Variants in AFG3L2 observed in about 807,000 individuals in gnomAD.
The protein encoded by AFG3L2 is AFG3 like matrix AAA peptidase subunit 2, also known as mitochondrial inner membrane m-AAA protease component AFG3L2.
Under a neutral mutation model 94.5 loss-of-function variants are expected in AFG3L2, and 54 were observed. The ratio of observed to expected loss-of-function variants is 0.57; its 90% CI spans 0.46 to 0.72. The LOEUF is 0.72. Among genes scored for constraint, AFG3L2 ranks in the 30% least tolerant of loss-of-function variants. AFG3L2 has a pLI of 0.00. For missense variants in AFG3L2, 754 were observed against 994.9 expected (o/e 0.76, Z 3.26); for synonymous variants, 377 against 365.5 (o/e 1.03, Z -0.36).
At chr18:12,352,283 C>T (rs1185681905) in intron 10 of AFG3L2, among the ~76,000 whole-genome samples, 4 of 152,180 alleles carry the variant, frequency 2.6e-5, no homozygotes, top group Admixed American at 1.3e-4. Flanking sequence ...CTGACCATCG[C>T]GGGACGGAGG....
chr18:12,376,527 C>T (rs1388441424), intron 1 of AFG3L2, among the ~76,000 whole-genome samples: 1 of 152,188 alleles, frequency 6.6e-6, no homozygotes, highest in African/African-American at 2.4e-5. Flanking sequence ...CCGCAATGGC[C>T]CCATTCAACA....
In AFG3L2 at chr18:12,351,067, T is replaced by G. The variant is rs746851204; in HGVS notation, c.1552+18A>C. 9.9e-6 allele frequency: 16 copies of G among 1,612,142 alleles called. No individual in the cohort carries two copies. Among genetic ancestry groups the G allele is most frequent in the African/African-American group, 2.7e-5 (2 of 74,852 alleles). ...TTTAATATGCTTCTAAATAGGGTCC[T>G]CGTTATTTTCCACTCACCTGAAAAC... On this transcript the variant is annotated intron_variant, in intron 12 of 16. Coordinates refer to ENST00000269143, the MANE Select transcript of AFG3L2 (RefSeq NM_006796.3).
chr18:12,369,676 A>G (rs1222613334), intron 3 of AFG3L2, among the ~76,000 whole-genome samples: 1 of 150,966 alleles, frequency 6.6e-6, no homozygotes, highest in East Asian at 1.9e-4. Flanking sequence ...AGATCGTGCC[A>G]CTGCACTCCA....
intron 3 of AFG3L2, among the ~76,000 whole-genome samples, chr18:12,367,970 C>A (rs1908860431): frequency 6.6e-6 from 1 of 152,074 alleles, no homozygotes; most frequent in African/African-American, 2.4e-5. Flanking sequence ...GAGTTTGAGA[C>A]CAGCCTGTTC....
intron 15 of AFG3L2, 111 bp from the exon 16 acceptor site, chr18:12,337,646 G>C: frequency 1.8e-6 from 1 of 565,438 alleles, no homozygotes; most frequent in Non-Finnish European, 3.0e-6. Context: ...TGTGTAGCCA[G>C]CAGCAGCAGC....
At chr18:12,362,269 T>C (rs1908684472) in intron 6 of AFG3L2, among the ~76,000 whole-genome samples, 1 of 152,204 alleles carries the variant, frequency 6.6e-6, no homozygotes, top group African/African-American at 2.4e-5. Context: ...CAGTGATTAA[T>C]ACTGCTGCTC....
Position 12,329,777 on chromosome 18 carries a change from G to C in AFG3L2, c.2182C>G (p.Leu728Val), listed in dbSNP as rs532751601. Reference protein sequence around the residue: ...EKKADVEKVALLLLEKEVLDK... With the variant: ...EKKADVEKVAVLLLEKEVLDK... ...AATACTTCTTTTTCTAACAACAGAA[G>C]AGCAACCTGAAATATGAACAATTTT... Residue 728 changes from leucine (L) to valine (V), a missense_variant, in exon 17 of 17, where the codon CTT becomes GTT. Coordinates refer to ENST00000269143, the MANE Select transcript of AFG3L2 (RefSeq NM_006796.3). 1 of 1,612,894 alleles carries C rather than the reference G, an allele frequency of 6.2e-7. No homozygotes were observed. Among genetic ancestry groups the C allele is most frequent in the South Asian group, 1.1e-5 (1 of 91,054 alleles).
intron 14 of AFG3L2, 93 bp from the exon 15 acceptor site, chr18:12,340,494 A>C: frequency 9.7e-7 from 1 of 1,035,690 alleles, no homozygotes; most frequent in Non-Finnish European, 1.5e-6. Context: ...TTGACTAAAA[A>C]TAAGCACAAC....
At position 12,344,208 on chromosome 18, in the gene AFG3L2, T is replaced by C; in HGVS notation, c.1703A>G (p.Lys568Arg). The change falls in exon 14 of 17, where the codon AAG becomes AGG. Residue 568 changes from lysine (K) to arginine (R), a missense_variant. Transcript: ENST00000269143. ...KKTQVLQPEE[K>R]KTVAYHEAGH... ...TGCTTCGTGGTATGCCACAGTCTTCTTCTCCTCAGGCTGCAGAACCTGCGT... is the reference window on the plus strand; with the variant it reads ...TGCTTCGTGGTATGCCACAGTCTTCCTCTCCTCAGGCTGCAGAACCTGCGT... The C allele has an allele frequency of 1.2e-6, 2 of 1,614,240 alleles. No homozygotes were observed. The highest frequency in any genetic ancestry group is 1.3e-5 in the African/African-American group (1 of 75,072).
chr18:12,369,366 G>A (rs2143225243), intron 3 of AFG3L2, among the ~76,000 whole-genome samples: 1 of 152,178 alleles, frequency 6.6e-6, no homozygotes, highest in Admixed American at 6.5e-5. Context: ...CATGTCCCCT[G>A]GCTCTTACTC....
Position 12,340,209 on chromosome 18 carries a change from ATGCACTC to A in AFG3L2, c.1965_1971del (p.Gln655HisfsTer10). ...CTCTTTCATATACTCACTTGGGCATATGCACTCTGAGTTACTTTTCTCAAGTCATCTT... is the reference window on the plus strand; with the variant it reads ...CTCTTTCATATACTCACTTGGGCATATGAGTTACTTTTCTCAAGTCATCTT... On this transcript the variant is annotated frameshift_variant, in exon 15 of 17. Transcript: ENST00000269143. LOFTEE classifies it high-confidence loss of function. The A allele has an allele frequency of 6.2e-7, 1 of 1,613,608 alleles. No homozygotes were observed. The highest frequency in any genetic ancestry group is 8.5e-7 in the Non-Finnish European group (1 of 1,179,616).
chr18:12,330,319 CCTT>C (rs1907479712), intron 16 of AFG3L2, among the ~76,000 whole-genome samples: 1 of 135,314 alleles, frequency 7.4e-6, no homozygotes, highest in South Asian at 2.7e-4. Context: ...GAGCGAGACT[CCTT>C]CTCAAAACAA....
At position 12,356,843 on chromosome 18, in the gene AFG3L2, A is replaced by G. The variant is rs370358777; in HGVS notation, c.1027-12T>C. 66 of 1,613,588 alleles carry G rather than the reference A, an allele frequency of 4.1e-5. No individual in the cohort carries two copies. The African/African-American group carries it at 7.5e-4, about 18-fold the overall frequency. On this transcript the variant is annotated splice_polypyrimidine_tract_variant and intron_variant, in intron 8 of 16. Transcript: ENST00000269143. Reference sequence around the variant, plus strand: ...GTGAGAATGGCACCCTTCAGATATGAAAAAAGAAATTACATTTAATGAGAA... The same window carrying G: ...GTGAGAATGGCACCCTTCAGATATGGAAAAAGAAATTACATTTAATGAGAA...
intron 16 of AFG3L2, among the ~76,000 whole-genome samples, chr18:12,336,309 T>C (rs1907740245): frequency 6.6e-6 from 1 of 152,262 alleles, no homozygotes; most frequent in African/African-American, 2.4e-5. Context: ...CCTTTTGCGA[T>C]AGCTTTTCAG....
At chr18:12,370,217 T>C (rs1048099024) in intron 3 of AFG3L2, among the ~76,000 whole-genome samples, 1 of 152,130 alleles carries the variant, frequency 6.6e-6, no homozygotes, top group Non-Finnish European at 1.5e-5. Context: ...AAACACAATA[T>C]GTATCAAATA....
Position 12,329,899 on chromosome 18 carries a change from A to C in AFG3L2, c.2176-116T>G. ...AAAAAGGATTTAAGACCAATGAAAA[A>C]GATGTCTCATACATAAGGTTGCATA... On this transcript the variant is annotated intron_variant, in intron 16 of 16. Transcript: ENST00000269143. 6.7e-6 allele frequency: 6 copies of C among 891,446 alleles called. 2 individuals are homozygous for C. The highest frequency in any genetic ancestry group is 6.0e-5 in the South Asian group (4 of 66,950). 55.2% of individuals were successfully genotyped at this position (891,446 alleles called of 1,614,324 possible).
chr18:12,361,374 T>C (rs915801148), intron 6 of AFG3L2, among the ~76,000 whole-genome samples: 8 of 150,628 alleles, frequency 5.3e-5, no homozygotes, highest in Non-Finnish European at 7.4e-5. Context: ...CAAGGCCGGG[T>C]GCAGTGGCTC....
chr18:12,331,994 A>G (rs1907547312), intron 16 of AFG3L2, among the ~76,000 whole-genome samples: 1 of 151,892 alleles, frequency 6.6e-6, no homozygotes, highest in African/African-American at 2.4e-5. Context: ...AGAAAAAGGG[A>G]CCCCTACCGG....
intron 8 of AFG3L2, among the ~76,000 whole-genome samples, chr18:12,357,624 G>C (rs1180343884): frequency 1.3e-5 from 2 of 151,210 alleles, no homozygotes; most frequent in Non-Finnish European, 2.9e-5. Context: ...TTTTGAGATA[G>C]AGTTTCACTC....
Sources: allele counts gnomAD v4.1 joint callset (sites outside exome capture counted in the v4.1 genomes callset), GRCh38; gene constraint gnomAD v4.1.1; transcripts MANE v1.5; gene names NCBI Gene and HGNC (gene_info 2026-07-23, HGNC 2026-07-21).